Variants in ASXL2 observed in about 807,000 individuals in gnomAD.
The protein encoded by ASXL2 is ASXL transcriptional regulator 2.
In ASXL2, 23 loss-of-function variants were observed where a neutral mutation model predicts 122.0. The ratio of observed to expected loss-of-function variants is 0.19; its 90% CI spans 0.14 to 0.27. The LOEUF (loss-of-function observed/expected upper bound fraction) is 0.27. ASXL2 is among the 10% of genes least tolerant of loss of function. The pLI is 1.00. For missense variants in ASXL2, 1,518 were observed against 1,713.8 expected, an observed-to-expected ratio of 0.89 and a Z score of 2.02; for synonymous variants, 650 against 637.0, an observed-to-expected ratio of 1.02 and a Z score of -0.31.
intron 3 of ASXL2, among the ~76,000 whole-genome samples, chr2:25,810,875 C>T (rs1435077845): frequency 6.6e-6 from 1 of 152,044 alleles, no homozygotes; most frequent in African/African-American, 2.4e-5. Context: ...ACAGTATATA[C>T]AAAAACATAT....
In ASXL2 at chr2:25,733,985, G is replaced by A. The variant is rs1339380704; in HGVS notation, c.*8044C>T. On this transcript the variant is annotated 3_prime_UTR_variant, in exon 13 of 13. Coordinates refer to ENST00000435504, the MANE Select transcript of ASXL2 (RefSeq NM_018263.6). ...TTTTAAGTGAATAAGAATTACATAC[G>A]GTAATTTCTTCCATTCCGACTTCTC... The A allele has an allele frequency of 6.6e-6, 1 of 151,824 alleles. No individual in the cohort carries two copies. The highest frequency in any genetic ancestry group is 2.4e-5 in the African/African-American group (1 of 41,318). The allele number at this position is 151,824 out of a possible 1,614,324, so 9.4% of individuals were successfully genotyped here. A position where few individuals can be genotyped will look rare whatever the true frequency, so the allele number is the denominator to read the frequency against.
At chr2:25,867,110 G>A (rs926115341) in intron 1 of ASXL2, among the ~76,000 whole-genome samples, 3 of 152,202 alleles carry the variant, frequency 2.0e-5, no homozygotes, top group East Asian at 3.9e-4. Flanking sequence ...ATGCTGGTCA[G>A]GCTGGTCTCG....
rs773742264 is a variant in ASXL2, at chr2:25,742,312, T to C, written c.4025A>G (p.Asn1342Ser). The C allele has an allele frequency of 6.8e-6, 11 of 1,613,496 alleles. No individual in the cohort carries two copies. The highest frequency in any genetic ancestry group is 9.3e-6 in the Non-Finnish European group (11 of 1,179,810). The stretch of plus-strand genomic sequence containing the variant: ...TACCTGGCTACCTGGTACAGCAGAG[T>C]TATGGTCCATGTCAGATGAGGTGGA... The part of the protein sequence containing the change: ...NVSTSSDMDH[N>S]SAVPGSQVSS... The change falls in exon 13 of 13, where the codon AAC becomes AGC. Residue 1342 changes from asparagine to serine, a missense_variant. Transcript: ENST00000435504.
At chr2:25,754,346 T>A (rs1048729502) in intron 10 of ASXL2, among the ~76,000 whole-genome samples, 1 of 152,188 alleles carries the variant, frequency 6.6e-6, no homozygotes, top group Non-Finnish European at 1.5e-5. Context: ...GTGGCTCAGA[T>A]AGACTGCTCT....
rs2149206772 is a variant in ASXL2 at position 25,878,260 on chromosome 2, G to T, written c.-38C>A. On this transcript the variant is annotated 5_prime_UTR_variant, in exon 1 of 13. Transcript: ENST00000435504. ...ACTGACTGGGAGGCTCCCGTGTCCG[G>T]GCTCCGGCCGCCCTCCCTGCCTGCT... is the stretch of plus-strand genomic sequence containing the variant. 6.2e-7 allele frequency: 1 copy of T among 1,610,314 alleles called. No individual in the cohort carries two copies. The highest frequency in any genetic ancestry group is 8.5e-7 in the Non-Finnish European group (1 of 1,177,116).
At chr2:25,761,565 C>G (rs550017273) in intron 8 of ASXL2, among the ~76,000 whole-genome samples, 1 of 149,512 alleles carries the variant, frequency 6.7e-6, no homozygotes. Context: ...CCCAGCTACT[C>G]GGGAGGCTGA....
chr2:25,816,421 A>C (rs544094912), intron 3 of ASXL2, among the ~76,000 whole-genome samples: 1 of 152,310 alleles, frequency 6.6e-6, no homozygotes, highest in South Asian at 2.1e-4. Context: ...TCCCTGCCAC[A>C]ATGATGTTCG....
chr2:25,743,461 C>A lies in ASXL2; in HGVS notation c.2876G>T (p.Gly959Val). Residue 959 changes from glycine (G) to valine (V), a missense_variant, in exon 13 of 13, where the codon GGC becomes GTC. Gly to Val is a moderately radical substitution (Grantham distance 109). This residue lies in a region of ASXL2 where 831 missense variants were observed against 833.1 expected (regional missense o/e 1.00). Transcript: ENST00000435504. Reference sequence around the variant, plus strand: ...AATTTGCTCCATGGGAACATCTTTGCCTTGAAGCAGCTGAGTCACTAAAGG... The same window carrying A: ...AATTTGCTCCATGGGAACATCTTTGACTTGAAGCAGCTGAGTCACTAAAGG... ...NNPLVTQLLQ[G>V]KDVPMEQILP... 1.2e-6 allele frequency: 2 copies of A among 1,613,756 alleles called. No individual in the cohort carries two copies. Among genetic ancestry groups the A allele is most frequent in the Non-Finnish European group, 1.7e-6 (2 of 1,179,900 alleles).
rs1425815827 is a variant in ASXL2, at chr2:25,782,211, G to A, written c.404-10671C>T. Among the ~76,000 whole-genome samples the A allele has an allele frequency of 3.3e-5, 5 of 151,922 alleles. No homozygotes were observed. The South Asian group carries it at 6.2e-4, about 19-fold the overall frequency. ...CTAATCCTTTCTGATTCTTGTCGCCGGTTACTCAAACTGCTTTCTCTTGCT... is the reference window on the plus strand; with the variant it reads ...CTAATCCTTTCTGATTCTTGTCGCCAGTTACTCAAACTGCTTTCTCTTGCT... On this transcript the variant is annotated intron_variant, in intron 5 of 12. Transcript: ENST00000435504.
At position 25,738,298 on chromosome 2, in the gene ASXL2, C is replaced by T. The variant is rs551773885; in HGVS notation, c.*3731G>A. On this transcript the variant is annotated 3_prime_UTR_variant, in exon 13 of 13. Coordinates refer to ENST00000435504, the MANE Select transcript of ASXL2 (RefSeq NM_018263.6). ...TAACCAAGAATCTACGAAGCTATTG[C>T]TTCAACTTTAGGAAATGTTTTACCT... The T allele has an allele frequency of 6.6e-6, 1 of 152,194 alleles. No homozygotes were observed. Among genetic ancestry groups the T allele is most frequent in the South Asian group, 2.1e-4 (1 of 4,808 alleles). The allele number at this position is 152,194 out of a possible 1,614,324, so 9.4% of individuals were successfully genotyped here. A position where few individuals can be genotyped will look rare whatever the true frequency, so the allele number is the denominator to read the frequency against.
intron 5 of ASXL2, among the ~76,000 whole-genome samples, chr2:25,795,501 C>T (rs767783928): frequency 3.3e-5 from 5 of 152,068 alleles, no homozygotes; most frequent in African/African-American, 1.2e-4. Flanking sequence ...CATTAATAAC[C>T]GTTAGTTATA....
At chr2:25,784,616 G>A (rs990564150) in intron 5 of ASXL2, among the ~76,000 whole-genome samples, 4 of 152,104 alleles carry the variant, frequency 2.6e-5, no homozygotes, top group African/African-American at 9.7e-5. Context: ...AAGCTATTCC[G>A]TCCCTTTCTC....
At chr2:25,753,466 A>T in intron 11 of ASXL2, 68 bp downstream of exon 11, 1 of 1,083,752 alleles carries the variant, frequency 9.2e-7, no homozygotes, top group African/African-American at 1.6e-5. Flanking sequence ...GAAGGTAATG[A>T]GATAAAGCAC....
At chr2:25,850,185 A>T (rs1559528227) in intron 1 of ASXL2, among the ~76,000 whole-genome samples, 1 of 149,642 alleles carries the variant, frequency 6.7e-6, no homozygotes, top group Non-Finnish European at 1.5e-5. Flanking sequence ...AAGGACTTAA[A>T]TTTTTTTTTT....
chr2:25,781,059 CAAAAAAA>C (rs56394505), intron 5 of ASXL2, among the ~76,000 whole-genome samples: 2 of 109,886 alleles, frequency 1.8e-5, no homozygotes, highest in Admixed American at 9.8e-5. Context: ...ACTCCATCTC[CAAAAAAA>C]AAAAAAAAAA....
intron 5 of ASXL2, among the ~76,000 whole-genome samples, chr2:25,789,885 C>T (rs966501615): frequency 3.9e-5 from 6 of 152,014 alleles, no homozygotes; most frequent in Non-Finnish European, 7.4e-5. Flanking sequence ...GAAATCAGGA[C>T]GGTGGTTACT....
chr2:25,809,677 T>G (rs2089136976), intron 3 of ASXL2, among the ~76,000 whole-genome samples: 1 of 152,206 alleles, frequency 6.6e-6, no homozygotes, highest in Non-Finnish European at 1.5e-5. Context: ...CATCACAACA[T>G]GCTTTTAAAG....
At chr2:25,803,325 G>T (rs1344997808) in intron 4 of ASXL2, among the ~76,000 whole-genome samples, 1 of 152,174 alleles carries the variant, frequency 6.6e-6, no homozygotes, top group Non-Finnish European at 1.5e-5. Context: ...ATGGGTAAAT[G>T]TAAGTAAAGC....
chr2:25,742,608 T>G lies in ASXL2; in HGVS notation c.3729A>C (p.Leu1243Phe), dbSNP rs2087850885. 1 of 1,613,880 alleles carries G rather than the reference T, an allele frequency of 6.2e-7. No individual in the cohort carries two copies. Residue 1243 changes from leucine to phenylalanine, a missense_variant, in exon 13 of 13, where the codon TTA (leucine) becomes TTC (phenylalanine). Leu to Phe is a conservative substitution (Grantham distance 22). Transcript: ENST00000435504. ...TAGTGAACAGGTAATTCTCCTTACT[T>G]AAAGTGGTTTGCTCATTCAATGGTA... ...AEIPLNEQTT[L>F]SKENYLFTRG...
Sources: allele counts gnomAD v4.1 joint callset (sites outside exome capture counted in the v4.1 genomes callset), GRCh38; gene constraint gnomAD v4.1.1; regional missense constraint gnomAD v4.1.1; transcripts MANE v1.5; gene names NCBI Gene and HGNC (gene_info 2026-07-23, HGNC 2026-07-21).